Variants in ZNF407 observed in about 807,000 individuals in gnomAD.
ZNF407 encodes the protein zinc finger protein 407.
ZNF407 carries 17 observed loss-of-function variants against 131.2 expected under a neutral mutation model. The observed-to-expected ratio is 0.13, with a 90% confidence interval of 0.09 to 0.19. The LOEUF (loss-of-function observed/expected upper bound fraction) is 0.19, where lower values mean the gene tolerates loss of function less well. Among genes scored for constraint, ZNF407 ranks in the 10% least tolerant of loss-of-function variants. The probability of loss-of-function intolerance (pLI) is 1.00; values close to 1 mark genes in which losing one functional copy is unlikely to be tolerated. For synonymous variants in ZNF407, 1,156 were observed against 1,062.0 expected (o/e 1.09, Z -1.72); for missense variants, 2,681 against 2,830.6 (o/e 0.95, Z 1.20).
intron 8 of ZNF407, among the ~76,000 whole-genome samples, chr18:75,013,991 C>T (rs1973014292): frequency 6.6e-6 from 1 of 152,020 alleles, no homozygotes; most frequent in African/African-American, 2.4e-5. Flanking sequence ...ATCCTATAGT[C>T]AAATCCTATA....
intron 1 of ZNF407, among the ~76,000 whole-genome samples, chr18:74,622,174 C>T (rs902127319): frequency 3.3e-5 from 5 of 152,036 alleles, no homozygotes; most frequent in Admixed American, 2.6e-4. Flanking sequence ...TGGAGTGCAG[C>T]GCCCTTTAGT....
At chr18:75,059,450 T>G (rs1190410422) in intron 8 of ZNF407, among the ~76,000 whole-genome samples, 1 of 152,222 alleles carries the variant, frequency 6.6e-6, no homozygotes, top group South Asian at 2.1e-4. Flanking sequence ...ACCAGAAGGC[T>G]GCCTTCTTTG....
intron 3 of ZNF407, among the ~76,000 whole-genome samples, chr18:74,678,214 C>A (rs1365053727): frequency 6.6e-6 from 1 of 152,140 alleles, no homozygotes; most frequent in Non-Finnish European, 1.5e-5. Context: ...TTTATGTTAA[C>A]TTCTGCCAAG....
chr18:74,804,532 A>T (rs2145077061), intron 4 of ZNF407: 6 of 987,676 alleles, frequency 6.1e-6, no homozygotes, highest in Non-Finnish European at 7.2e-6. Flanking sequence ...ATACCAGGCT[A>T]AATACATTGC....
At chr18:74,687,480 G>A (rs1967122568) in intron 3 of ZNF407, among the ~76,000 whole-genome samples, 1 of 152,064 alleles carries the variant, frequency 6.6e-6, no homozygotes, top group South Asian at 2.1e-4. Context: ...GCAGAGTGGC[G>A]GGAAAAGGAC....
At chr18:74,982,228 C>T (rs1283566517) in intron 8 of ZNF407, among the ~76,000 whole-genome samples, 2 of 152,084 alleles carry the variant, frequency 1.3e-5, no homozygotes, top group East Asian at 3.9e-4. Context: ...TTGGAAATTG[C>T]CTGCCTTTAT....
rs1017449973 is a variant in ZNF407 at position 74,996,367 on chromosome 18, A to C, written c.5429-66783A>C. On this transcript the variant is annotated intron_variant, in intron 8 of 8. Transcript: ENST00000299687. ...TTGATTTGAGAAACGCTTATCACTT[A>C]TTATGGCAGTAAAAATGATTGGTTA... 3.3e-5 allele frequency among the ~76,000 whole-genome samples: 5 copies of C among 152,248 alleles called. No homozygotes were observed. The South Asian group carries it at 8.3e-4, about 25-fold the overall frequency.
At chr18:74,714,763 C>T (rs1374307475) in intron 3 of ZNF407, among the ~76,000 whole-genome samples, 1 of 152,054 alleles carries the variant, frequency 6.6e-6, no homozygotes, top group Non-Finnish European at 1.5e-5. Context: ...ACTTAGTTTT[C>T]TCATAGTATC....
At chr18:74,855,839 G>C (rs922200767) in intron 4 of ZNF407, among the ~76,000 whole-genome samples, 28 of 152,166 alleles carry the variant, frequency 1.8e-4, no homozygotes, top group Admixed American at 6.5e-5. Context: ...CTAACAACAG[G>C]AGAGATTATT....
chr18:75,041,479 A>G (rs1026744224), intron 8 of ZNF407, among the ~76,000 whole-genome samples: 1 of 152,004 alleles, frequency 6.6e-6, no homozygotes, highest in Non-Finnish European at 1.5e-5. Context: ...ACTCACACAC[A>G]CAGAATCCAT....
At chr18:74,660,610 G>T (rs1051445314) in intron 3 of ZNF407, among the ~76,000 whole-genome samples, 5 of 152,048 alleles carry the variant, frequency 3.3e-5, no homozygotes, top group Non-Finnish European at 5.9e-5. Context: ...TGTCTCCAAA[G>T]AAAGCAATAT....
At chr18:74,877,635 G>GTA (rs377173462) in intron 5 of ZNF407, among the ~76,000 whole-genome samples, 12 of 152,080 alleles carry the variant, frequency 7.9e-5, no homozygotes, top group African/African-American at 1.2e-4. Context: ...GTATGTATGT[G>GTA]TATATATATA....
rs571270821 is a variant in ZNF407, at chr18:75,065,658, T to C, written c.*1190T>C. 1 of 152,272 alleles carries C rather than the reference T, an allele frequency of 6.6e-6. No individual in the cohort carries two copies. Among genetic ancestry groups the C allele is most frequent in the Admixed American group, 6.5e-5 (1 of 15,292 alleles). The allele number at this position is 152,272 out of a possible 1,614,324, so 9.4% of individuals were successfully genotyped here. A position where few individuals can be genotyped will look rare whatever the true frequency, so the allele number is the denominator to read the frequency against. ...TTCTGTTTTCTTTGAAATAAAATTA[T>C]AACGTTAAAAGATCACGATGGCATG... On this transcript the variant is annotated 3_prime_UTR_variant, in exon 9 of 9. Transcript: ENST00000299687.
chr18:74,880,273 T>TA (rs75513857), intron 5 of ZNF407, among the ~76,000 whole-genome samples: 1 of 152,010 alleles, frequency 6.6e-6, no homozygotes. Flanking sequence ...TGAAAATGCT[T>TA]AAAAAAATGA....
chr18:74,975,494 T>A (rs1972517892), intron 8 of ZNF407, among the ~76,000 whole-genome samples: 2 of 152,218 alleles, frequency 1.3e-5, no homozygotes, highest in Admixed American at 1.3e-4. Context: ...GAAATTCTAC[T>A]TCTATTTGAG....
At chr18:74,753,525 G>A (rs565462058) in intron 3 of ZNF407, among the ~76,000 whole-genome samples, 11 of 152,116 alleles carry the variant, frequency 7.2e-5, no homozygotes, top group Admixed American at 3.9e-4. Flanking sequence ...TTTGGGAGAC[G>A]TCCCATCAAT....
chr18:74,821,488 TC>T (rs1227926974), intron 4 of ZNF407, among the ~76,000 whole-genome samples: 4 of 152,008 alleles, frequency 2.6e-5, no homozygotes, highest in Admixed American at 2.0e-4. Flanking sequence ...TTCTCATTGT[TC>T]AACTCCCACT....
At chr18:74,910,941 G>A (rs1971661880) in intron 7 of ZNF407, among the ~76,000 whole-genome samples, 1 of 152,030 alleles carries the variant, frequency 6.6e-6, no homozygotes, top group Non-Finnish European at 1.5e-5. Context: ...CAGAATCCCT[G>A]TTACCTAGTG....
chr18:74,642,674 C>T (rs1445868877), intron 3 of ZNF407, among the ~76,000 whole-genome samples: 2 of 152,088 alleles, frequency 1.3e-5, no homozygotes, highest in African/African-American at 2.4e-5. Context: ...CCACCCTGCT[C>T]GCTAACTGCT....
Sources: allele counts gnomAD v4.1 joint callset (sites outside exome capture counted in the v4.1 genomes callset), GRCh38; gene constraint gnomAD v4.1.1; transcripts MANE v1.5; gene names NCBI Gene and HGNC (gene_info 2026-07-23, HGNC 2026-07-21).